Variants in SEMA5A observed in about 807,000 individuals in gnomAD.
SEMA5A encodes semaphorin-5A.
In SEMA5A, 55 loss-of-function variants were observed where a neutral mutation model predicts 135.5. The ratio of observed to expected loss-of-function variants is 0.41; its 90% CI spans 0.33 to 0.51. The LOEUF is 0.51. Ranked by LOEUF, SEMA5A falls within the 20% of genes least tolerant of loss-of-function variation. The pLI, the probability that SEMA5A is intolerant of heterozygous loss-of-function variation, is 0.37. For synonymous variants in SEMA5A, 580 were observed against 546.5 expected, an observed-to-expected ratio of 1.06 and a Z score of -0.85; for missense variants, 1,290 against 1,419.9, an observed-to-expected ratio of 0.91 and a Z score of 1.47.
intron 3 of SEMA5A, among the ~76,000 whole-genome samples, chr5:9,338,724 C>T (rs1219630308): frequency 1.3e-5 from 2 of 151,982 alleles, no homozygotes; most frequent in African/African-American, 4.8e-5. Flanking sequence ...ACTGTCAAAT[C>T]AATGAAGATG....
intron 2 of SEMA5A, among the ~76,000 whole-genome samples, chr5:9,431,026 T>C (rs1260324411): frequency 6.6e-6 from 1 of 152,088 alleles, no homozygotes; most frequent in Non-Finnish European, 1.5e-5. Context: ...ACTGCTTAAG[T>C]ACTGTAGGAG....
At chr5:9,295,793 C>T (rs945874477) in intron 5 of SEMA5A, among the ~76,000 whole-genome samples, 1 of 152,102 alleles carries the variant, frequency 6.6e-6, no homozygotes, top group African/African-American at 2.4e-5. Flanking sequence ...AAAATAATAA[C>T]TCAATATTAG....
chr5:9,544,751 G>T (rs534553327), intron 1 of SEMA5A, among the ~76,000 whole-genome samples: 3 of 152,342 alleles, frequency 2.0e-5, no homozygotes, highest in African/African-American at 7.2e-5. Context: ...GGAGGTGAAC[G>T]CGCTTCCCGC....
chr5:9,305,900 C>T (rs1220889825), intron 5 of SEMA5A, among the ~76,000 whole-genome samples: 1 of 152,080 alleles, frequency 6.6e-6, no homozygotes, highest in Admixed American at 6.6e-5. Context: ...CTTCTTCCAG[C>T]ATGGCAGAGG....
chr5:9,378,484 C>T (rs1442785576), intron 3 of SEMA5A, among the ~76,000 whole-genome samples: 1 of 152,136 alleles, frequency 6.6e-6, no homozygotes, highest in South Asian at 2.1e-4. Flanking sequence ...ACCCATGACA[C>T]GGTCAAGACA....
intron 12 of SEMA5A, among the ~76,000 whole-genome samples, chr5:9,144,881 C>T (rs1189582039): frequency 2.0e-5 from 3 of 152,136 alleles, no homozygotes; most frequent in Non-Finnish European, 4.4e-5. Context: ...GAAGAATCCT[C>T]CTCTCAGACA....
At chr5:9,289,455 G>A (rs1298649706) in intron 5 of SEMA5A, among the ~76,000 whole-genome samples, 1 of 152,076 alleles carries the variant, frequency 6.6e-6, no homozygotes, top group Non-Finnish European at 1.5e-5. Context: ...CGCGAGGTCA[G>A]GAGATTGAGA....
chr5:9,382,788 C>T (rs1755673631), intron 2 of SEMA5A, among the ~76,000 whole-genome samples: 1 of 152,122 alleles, frequency 6.6e-6, no homozygotes, highest in Non-Finnish European at 1.5e-5. Context: ...TAAGCAGCAA[C>T]CATGGAGTTG....
At chr5:9,350,012 T>C (rs1392761438) in intron 3 of SEMA5A, among the ~76,000 whole-genome samples, 6 of 152,170 alleles carry the variant, frequency 3.9e-5, no homozygotes, top group Non-Finnish European at 7.3e-5. Context: ...TTACACTTAC[T>C]GCACTGGACA....
intron 1 of SEMA5A, among the ~76,000 whole-genome samples, chr5:9,463,214 T>A (rs933570274): frequency 6.6e-6 from 1 of 152,140 alleles, no homozygotes; most frequent in African/African-American, 2.4e-5. Context: ...CGTTCTCAAG[T>A]GCGAAGTATG....
intron 5 of SEMA5A, among the ~76,000 whole-genome samples, chr5:9,303,620 A>G (rs1751722558): frequency 6.6e-6 from 1 of 152,178 alleles, no homozygotes; most frequent in Non-Finnish European, 1.5e-5. Flanking sequence ...CACCATAAAG[A>G]AATGATAAAT....
intron 8 of SEMA5A, among the ~76,000 whole-genome samples, chr5:9,222,499 A>G (rs1256685664): frequency 6.6e-6 from 1 of 152,062 alleles, no homozygotes; most frequent in African/African-American, 2.4e-5. Flanking sequence ...GGCGGTGGAA[A>G]TGCTGCTTTC....
At chr5:9,193,374 C>G (rs998743122) in intron 10 of SEMA5A, among the ~76,000 whole-genome samples, 1 of 152,210 alleles carries the variant, frequency 6.6e-6, no homozygotes, top group African/African-American at 2.4e-5. Context: ...CAATCCACAA[C>G]AGTTTTCATG....
At chr5:9,377,218 G>A (rs1352832939) in intron 3 of SEMA5A, among the ~76,000 whole-genome samples, 3 of 151,670 alleles carry the variant, frequency 2.0e-5, no homozygotes, top group Admixed American at 6.6e-5. Context: ...CTATATAATT[G>A]CCACCTTTCA....
intron 3 of SEMA5A, among the ~76,000 whole-genome samples, chr5:9,357,722 C>T (rs3797994): frequency 0.7 from 106,121 of 152,050 alleles, 37,259 homozygotes; most frequent in South Asian, 0.76. Context: ...AGGCGGGAAG[C>T]CCCAGGTGAG....
intron 3 of SEMA5A, among the ~76,000 whole-genome samples, chr5:9,353,653 G>A (rs1380641857): frequency 1.3e-5 from 2 of 152,136 alleles, no homozygotes; most frequent in Admixed American, 1.3e-4. Context: ...GCATCCCATA[G>A]TTTTATATGG....
chr5:9,509,809 C>T (rs1202735440), intron 1 of SEMA5A, among the ~76,000 whole-genome samples: 1 of 152,148 alleles, frequency 6.6e-6, no homozygotes, highest in Non-Finnish European at 1.5e-5. Flanking sequence ...ATTCAAGAAA[C>T]ATGTATTGAG....
At chr5:9,226,606 G>GA (rs911976122) in intron 7 of SEMA5A, among the ~76,000 whole-genome samples, 1 of 151,994 alleles carries the variant, frequency 6.6e-6, no homozygotes, top group Non-Finnish European at 1.5e-5. Flanking sequence ...GTCACTGGTG[G>GA]AAAAAAATGC....
chr5:9,403,266 T>C (rs1465011343), intron 2 of SEMA5A, among the ~76,000 whole-genome samples: 2 of 152,134 alleles, frequency 1.3e-5, no homozygotes, highest in Non-Finnish European at 2.9e-5. Flanking sequence ...AACTCCCCAA[T>C]ACAAACCAGA....
Sources: allele counts gnomAD v4.1 joint callset (sites outside exome capture counted in the v4.1 genomes callset), GRCh38; gene constraint gnomAD v4.1.1; transcripts MANE v1.5; gene names NCBI Gene and HGNC (gene_info 2026-07-23, HGNC 2026-07-21).